EXT2: variants seen among roughly 807,000 people sequenced by gnomAD.
EXT2 encodes the protein exostosin glycosyltransferase 2.
A neutral mutation model predicts 81.6 loss-of-function variants in EXT2; 53 were observed. The observed-to-expected ratio is 0.65, with a 90% confidence interval of 0.52 to 0.82. EXT2 has a LOEUF of 0.82. Ranked by LOEUF, EXT2 falls within the 40% of genes least tolerant of loss-of-function variation. The probability of loss-of-function intolerance (pLI) is 0.00; values close to 1 mark genes in which losing one functional copy is unlikely to be tolerated. For missense variants in EXT2, 774 were observed against 910.2 expected (o/e 0.85, Z 1.93); for synonymous variants, 320 against 340.0 (o/e 0.94, Z 0.65).
In EXT2 at chr11:44,166,685, C is replaced by A. The variant is rs1004444221; in HGVS notation, c.1174-4926C>A. Among the ~76,000 whole-genome samples the A allele has an allele frequency of 2.6e-5, 4 of 152,172 alleles. No individual in the cohort carries two copies. In the South Asian group the frequency reaches 6.2e-4, roughly 24 times the overall value. On this transcript the variant is annotated intron_variant, in intron 7 of 13. Coordinates refer to ENST00000533608, the MANE Select transcript of EXT2 (RefSeq NM_207122.2). ...CTAGAAAGTATCTTTTTCCTTCACC[C>A]TTTTGGGTTACTTTACAATTTCCCC...
intron 7 of EXT2, among the ~76,000 whole-genome samples, chr11:44,143,454 C>G (rs1954672979): frequency 6.6e-6 from 1 of 152,148 alleles, no homozygotes; most frequent in Non-Finnish European, 1.5e-5. Flanking sequence ...TCTTGAGAGT[C>G]CCTGCCATAA....
chr11:44,197,411 T>C (rs534115202), intron 8 of EXT2, among the ~76,000 whole-genome samples: 18 of 152,164 alleles, frequency 1.2e-4, no homozygotes, highest in Non-Finnish European at 2.2e-4. Context: ...ACTCCTCCTC[T>C]GCTACCCCTT....
intron 9 of EXT2, among the ~76,000 whole-genome samples, chr11:44,202,141 A>G (rs1409829847): frequency 1.3e-5 from 2 of 152,216 alleles, no homozygotes; most frequent in African/African-American, 2.4e-5. Context: ...GCCATGATTC[A>G]TTCTATATTT....
At chr11:44,219,383 G>A (rs912304418) in intron 10 of EXT2, among the ~76,000 whole-genome samples, 9 of 151,958 alleles carry the variant, frequency 5.9e-5, no homozygotes, top group Admixed American at 1.3e-4. Context: ...GTGTGGTGGC[G>A]CTCACCTGTA....
intron 4 of EXT2, chr11:44,116,103 A>G (rs1036749753): frequency 6.6e-6 from 1 of 152,228 alleles, no homozygotes; most frequent in African/African-American, 2.4e-5. Context: ...TGCAACTATC[A>G]TCAGGCCTAC....
At chr11:44,235,327 T>G (rs966547069) in intron 12 of EXT2, among the ~76,000 whole-genome samples, 5 of 139,080 alleles carry the variant, frequency 3.6e-5, no homozygotes, top group Non-Finnish European at 6.1e-5. Flanking sequence ...CTCTGCCTCC[T>G]GGGTTCAAGC....
At chr11:44,190,529 G>C (rs1955378131) in intron 8 of EXT2, among the ~76,000 whole-genome samples, 1 of 151,992 alleles carries the variant, frequency 6.6e-6, no homozygotes, top group Admixed American at 6.6e-5. Flanking sequence ...TCAGATATAG[G>C]TTGACTCAAA....
chr11:44,236,158 G>GGTGTGTGT (rs3832748), intron 12 of EXT2, 135 bp from the exon 13 acceptor site: 4 of 709,964 alleles, frequency 5.6e-6, no homozygotes, highest in African/African-American at 5.3e-5. Context: ...GGAATGGCGA[G>GGTGTGTGT]GTGTGTGTGT....
intron 10 of EXT2, among the ~76,000 whole-genome samples, chr11:44,229,949 C>T (rs1297517186): frequency 1.3e-5 from 2 of 152,204 alleles, no homozygotes; most frequent in African/African-American, 2.4e-5. Flanking sequence ...AGTCTCTGTC[C>T]TCTTTGAGTT....
In EXT2 at chr11:44,126,679, C is replaced by G. The variant is rs1172477180; in HGVS notation, c.940-137C>G. 5 of 1,017,770 alleles carry G rather than the reference C, an allele frequency of 4.9e-6. No homozygotes were observed. In the Admixed American group the frequency reaches 7.3e-5, roughly 15 times the overall value. The allele number at this position is 1,017,770 out of a possible 1,614,324, so 63.0% of individuals were successfully genotyped here. ...AAGTTTTACAGGTGTGAGCTGTTGT[C>G]TTTTGGCATTTTTGTGTCAAGATGC... On this transcript the variant is annotated intron_variant, in intron 5 of 13. Transcript: ENST00000533608.
intron 7 of EXT2, among the ~76,000 whole-genome samples, chr11:44,150,629 G>A (rs1482845054): frequency 6.6e-6 from 1 of 152,136 alleles, no homozygotes; most frequent in Non-Finnish European, 1.5e-5. Flanking sequence ...GCTTAAAATA[G>A]AGTCTCTACT....
intron 10 of EXT2, among the ~76,000 whole-genome samples, chr11:44,214,275 C>T (rs567772851): frequency 6.6e-6 from 1 of 152,160 alleles, no homozygotes; most frequent in African/African-American, 2.4e-5. Flanking sequence ...CCACCACGCC[C>T]GGCTAATTTT....
At chr11:44,235,232 T>TC (rs1955948078) in intron 12 of EXT2, among the ~76,000 whole-genome samples, 2 of 120,274 alleles carry the variant, frequency 1.7e-5, no homozygotes, top group African/African-American at 6.8e-5. Context: ...TTGCTTTTTT[T>TC]TTTTTTTTTT....
intron 8 of EXT2, among the ~76,000 whole-genome samples, chr11:44,183,716 T>C (rs1466414238): frequency 6.6e-6 from 1 of 152,222 alleles, no homozygotes; most frequent in Non-Finnish European, 1.5e-5. Context: ...CTTTGACTAA[T>C]GTGTTTTTTA....
At chr11:44,103,093 C>T (rs1954008686) in intron 1 of EXT2, among the ~76,000 whole-genome samples, 1 of 152,014 alleles carries the variant, frequency 6.6e-6, no homozygotes, top group African/African-American at 2.4e-5. Context: ...CATTGATATT[C>T]TCTATTGTGT....
intron 3 of EXT2, among the ~76,000 whole-genome samples, chr11:44,109,913 G>T (rs1954118721): frequency 6.6e-6 from 1 of 152,202 alleles, no homozygotes; most frequent in African/African-American, 2.4e-5. Context: ...CTGACTGAAA[G>T]ATTTTGGTAT....
At chr11:44,096,275 G>C in intron 1 of EXT2, 1 of 1,536,048 alleles carries the variant, frequency 6.5e-7, no homozygotes, top group Non-Finnish European at 8.7e-7. Context: ...TCAGGGTCCG[G>C]TGGTGGCCTG....
chr11:44,099,113 C>T (rs1474706594), intron 1 of EXT2, among the ~76,000 whole-genome samples: 3 of 152,172 alleles, frequency 2.0e-5, no homozygotes, highest in Non-Finnish European at 4.4e-5. Flanking sequence ...GAAACCCTCC[C>T]ACCTCAGCCT....
intron 6 of EXT2, among the ~76,000 whole-genome samples, chr11:44,128,606 C>T (rs1241009352): frequency 1.3e-5 from 2 of 152,188 alleles, no homozygotes; most frequent in South Asian, 2.1e-4. Flanking sequence ...GGGAGACACA[C>T]ACCATCATTG....
Sources: allele counts gnomAD v4.1 joint callset (sites outside exome capture counted in the v4.1 genomes callset), GRCh38; gene constraint gnomAD v4.1.1; transcripts MANE v1.5; gene names NCBI Gene and HGNC (gene_info 2026-07-23, HGNC 2026-07-21).